KNOP1: variants seen among roughly 807,000 people sequenced by gnomAD.
KNOP1 encodes lysine rich nucleolar protein 1, also known as lysine-rich nucleolar protein 1.
KNOP1 carries 20 observed loss-of-function variants against 30.6 expected under a neutral mutation model. The observed-to-expected ratio is 0.65, with a 90% CI of 0.46 to 0.95. KNOP1 has a LOEUF of 0.95. KNOP1 is among the 40% of genes least tolerant of loss of function. KNOP1 has a pLI of 0.00. For synonymous variants in KNOP1, 204 were observed against 210.0 expected (o/e 0.97, Z 0.25); for missense variants, 540 against 562.0 (o/e 0.96, Z 0.40).
intron 1 of KNOP1, chr16:19,717,589 C>A: frequency 1.0e-6 from 1 of 985,514 alleles, no homozygotes; most frequent in African/African-American, 1.7e-5. Flanking sequence ...TCCTCTTTAG[C>A]CCTGCGACCA....
intron 2 of KNOP1, chr16:19,711,845 T>C (rs1220772084): frequency 1.4e-5 from 3 of 213,558 alleles, no homozygotes; most frequent in Non-Finnish European, 2.8e-5. Context: ...CACACTAACA[T>C]GCACCATGCT....
Position 19,714,901 on chromosome 16 carries a change from T to C in KNOP1, c.135A>G (p.Arg45=). Residue 45 remains arginine (R), a synonymous_variant, in exon 2 of 5, where the codon AGA becomes AGG. Coordinates refer to ENST00000219837, the MANE Select transcript of KNOP1 (RefSeq NM_001012991.3). The stretch of plus-strand genomic sequence containing the variant: ...CCACACTCTTAGAGGGGGATGTAGC[T>C]CTTAAAGGAGAAACATCAGCAAAGT... The part of the protein sequence containing the change: ...DDYFADVSPL[R]ATSPSKSVAH... The C allele has an allele frequency of 1.5e-5, 24 of 1,613,954 alleles. No homozygotes were observed. Among genetic ancestry groups the C allele is most frequent in the Non-Finnish European group, 1.9e-5 (23 of 1,179,978 alleles).
At chr16:19,710,127 G>T (rs1402738449) in intron 4 of KNOP1, 1 of 279,176 alleles carries the variant, frequency 3.6e-6, no homozygotes, top group Non-Finnish European at 7.1e-6. Context: ...GAGAGGGGCC[G>T]CGACCACTCC....
chr16:19,707,351 G>T, intron 4 of KNOP1, 130 bp from the exon 5 acceptor site: 1 of 686,190 alleles, frequency 1.5e-6, no homozygotes, highest in Non-Finnish European at 2.5e-6. Context: ...GTGCTAATAA[G>T]CTCAACAACG....
chr16:19,705,370 CTAGG>C lies in KNOP1; in HGVS notation c.*1536_*1539del, dbSNP rs563286092. ...AACCTGTATTTTGGGATGCAAAAAG[CTAGG>C]TGAGTGGAAAGAAGGTGGTCACAGA... On this transcript the variant is annotated 3_prime_UTR_variant, in exon 5 of 5. Coordinates refer to ENST00000219837, the MANE Select transcript of KNOP1 (RefSeq NM_001012991.3). 3.2e-5 allele frequency: 13 copies of C among 412,064 alleles called. No homozygotes were observed. The highest frequency in any genetic ancestry group is 6.4e-5 in the Non-Finnish European group (13 of 204,576). The allele number at this position is 412,064 out of a possible 1,614,324, so 25.5% of individuals were successfully genotyped here.
intron 3 of KNOP1, 124 bp from the exon 4 acceptor site, chr16:19,710,710 TACAA>T: frequency 1.3e-6 from 1 of 744,116 alleles, no homozygotes; most frequent in South Asian, 1.6e-5. Context: ...TTGACTCTGC[TACAA>T]ACAATGGGAA....
At chr16:19,717,741 CAG>C (rs1232184053) in intron 1 of KNOP1, 16 of 989,738 alleles carry the variant, frequency 1.6e-5, no homozygotes, top group Non-Finnish European at 1.8e-5. Context: ...TCGCAAGCTC[CAG>C]AGACTACAAT....
At chr16:19,713,162 G>A (rs752022070) in intron 2 of KNOP1, among the ~76,000 whole-genome samples, 7 of 151,590 alleles carry the variant, frequency 4.6e-5, no homozygotes, top group Non-Finnish European at 1.0e-4. Context: ...GTGGCATGTC[G>A]GCCCACTGCA....
chr16:19,717,768 A>G, intron 1 of KNOP1: 5 of 995,756 alleles, frequency 5.0e-6, no homozygotes, highest in Non-Finnish European at 6.0e-6. Flanking sequence ...CACTTGCCCT[A>G]GGTTCCAAAG....
Position 19,714,456 on chromosome 16 carries a change from C to T in KNOP1, c.580G>A (p.Ala194Thr). ...CSVGKKDEEQ[A>T]ALGQKRKRKS... ...CGCTTCCGTTTCTGCCCCAAGGCTG[C>T]CTGTTCCTCATCCTTCTTCCCCACT... Residue 194 changes from alanine (A) to threonine (T), a missense_variant, in exon 2 of 5, where the codon GCA becomes ACA. Physicochemically the swap from Ala to Thr is moderately conservative, Grantham distance 58. Transcript: ENST00000219837. 1 of 1,614,106 alleles carries T rather than the reference C, an allele frequency of 6.2e-7. No individual in the cohort carries two copies. Among genetic ancestry groups the T allele is most frequent in the Middle Eastern group, 1.6e-4 (1 of 6,062 alleles).
intron 4 of KNOP1, among the ~76,000 whole-genome samples, chr16:19,708,154 G>A (rs1425898582): frequency 2.0e-5 from 3 of 151,566 alleles, no homozygotes; most frequent in Non-Finnish European, 4.4e-5. Context: ...GGAATCTGAA[G>A]TGTGCTTCTC....
rs950457804 is a variant in KNOP1 at position 19,714,013 on chromosome 16, A to G, written c.918+105T>C. 4.1e-6 allele frequency: 4 copies of G among 977,240 alleles called. 1 individual carries two copies. In the South Asian group the frequency reaches 4.8e-5, roughly 12 times the overall value. 60.5% of individuals were successfully genotyped at this position (977,240 alleles called of 1,614,324 possible). A position where few individuals can be genotyped will look rare whatever the true frequency, so the allele number is the denominator to read the frequency against. ...TTTAACCAGGGTTTTAGCTAAAAGC[A>G]TGAGTACTCGTGCATGTACAAACAT... On this transcript the variant is annotated intron_variant, in intron 2 of 4. Coordinates refer to ENST00000219837, the MANE Select transcript of KNOP1 (RefSeq NM_001012991.3).
chr16:19,708,196 G>A lies in KNOP1; in HGVS notation c.1066-975C>T, dbSNP rs1002827058. Among the ~76,000 whole-genome samples, 6 of 151,430 alleles carry A rather than the reference G, an allele frequency of 4.0e-5. No individual in the cohort carries two copies. In the South Asian group the frequency reaches 1.1e-3, roughly 27 times the overall value. On this transcript the variant is annotated intron_variant, in intron 4 of 4. Transcript: ENST00000219837. The stretch of plus-strand genomic sequence containing the variant: ...ACTGTTTTATGGCGGGAACGGGTGC[G>A]GGCCCACAGGGGTAAAAGGTCACAC...
Position 19,714,388 on chromosome 16 carries a change from T to G in KNOP1, c.648A>C (p.Lys216Asn). The change falls in exon 2 of 5, where the codon AAA becomes AAC. Residue 216 changes from lysine (K) to asparagine (N), a missense_variant. Coordinates refer to ENST00000219837, the MANE Select transcript of KNOP1 (RefSeq NM_001012991.3). ...GGGCATCTCCCTCCTGGTGGATTTTTTTTTTCTTCTTCACCTTCCCATTGT... is the reference window on the plus strand; with the variant it reads ...GGGCATCTCCCTCCTGGTGGATTTTGTTTTTCTTCTTCACCTTCCCATTGT... The part of the protein sequence containing the change: ...REHNGKVKKK[K>N]KIHQEGDALP... 6.2e-7 allele frequency: 1 copy of G among 1,614,002 alleles called. No homozygotes were observed. Among genetic ancestry groups the G allele is most frequent in the South Asian group, 1.1e-5 (1 of 91,064 alleles).
Position 19,714,125 on chromosome 16 carries a change from C to T in KNOP1, c.911G>A (p.Trp304Ter). 2 of 1,608,092 alleles carry T rather than the reference C, an allele frequency of 1.2e-6. No individual in the cohort carries two copies. Among genetic ancestry groups the T allele is most frequent in the Non-Finnish European group, 1.7e-6 (2 of 1,178,532 alleles). Reference protein sequence around the residue: ...RKESGVAGDPWKEETDTDLEV... With the variant: ...RKESGVAGDP ...TTCTGAAGGAAAAACTACCTCCTTC[C>T]AAGGGTCTCCTGCTACCCCACTCTC... Residue 304 changes from tryptophan to a stop codon, truncating the protein, a stop_gained, in exon 2 of 5, where the codon TGG becomes TAG. Coordinates refer to ENST00000219837, the MANE Select transcript of KNOP1 (RefSeq NM_001012991.3). LOFTEE classifies it high-confidence loss of function.
intron 1 of KNOP1, chr16:19,717,280 G>C: frequency 2.0e-6 from 2 of 980,736 alleles, no homozygotes; most frequent in Non-Finnish European, 2.4e-6. Context: ...TAATGGGGGA[G>C]GGGGACTATT....
In KNOP1 at chr16:19,705,651, G is replaced by C. The variant is rs73541425; in HGVS notation, c.*1259C>G. On this transcript the variant is annotated 3_prime_UTR_variant, in exon 5 of 5. Coordinates refer to ENST00000219837, the MANE Select transcript of KNOP1 (RefSeq NM_001012991.3). ...GCTCACACCTGTGATCCCAGCTCTT[G>C]GGGGCTGAGGCAGGAGCATGAGTTG... 2.0e-3 allele frequency: 410 copies of C among 208,302 alleles called. 4 individuals are homozygous for C. The highest frequency in any genetic ancestry group is 9.3e-3 in the African/African-American group (399 of 43,042). The allele number at this position is 208,302 out of a possible 1,614,324, so 12.9% of individuals were successfully genotyped here. A position where few individuals can be genotyped will look rare whatever the true frequency, so the allele number is the denominator to read the frequency against.
chr16:19,717,991 CTT>C, intron 1 of KNOP1, 165 bp downstream of exon 1: 1 of 1,308,944 alleles, frequency 7.6e-7, no homozygotes, highest in Non-Finnish European at 9.7e-7. Context: ...GGCGGGAAAA[CTT>C]TCTGGAGGCG....
At chr16:19,707,774 C>T (rs1344458047) in intron 4 of KNOP1, among the ~76,000 whole-genome samples, 1 of 133,672 alleles carries the variant, frequency 7.5e-6, no homozygotes, top group Non-Finnish European at 1.6e-5. Context: ...GCACATGGCG[C>T]ACCTCCTCCC....
Sources: allele counts gnomAD v4.1 joint callset (sites outside exome capture counted in the v4.1 genomes callset), GRCh38; gene constraint gnomAD v4.1.1; transcripts MANE v1.5; gene names NCBI Gene and HGNC (gene_info 2026-07-23, HGNC 2026-07-21).